The following INSYN2B variants were observed in gnomAD, a reference collection of about 807,000 sequenced individuals.
INSYN2B encodes protein INSYN2B.
INSYN2B carries 16 observed loss-of-function variants against 41.2 expected under a neutral mutation model. The observed-to-expected ratio is 0.39, with a 90% CI of 0.26 to 0.59. The LOEUF is 0.59. Ranked by LOEUF, INSYN2B falls within the 20% of genes least tolerant of loss-of-function variation. The pLI is 0.57. For synonymous variants in INSYN2B, 245 were observed against 244.4 expected, an observed-to-expected ratio of 1.00 and a Z score of -0.02; for missense variants, 608 against 646.4, an observed-to-expected ratio of 0.94 and a Z score of 0.64.
At chr5:169,965,217 A>C (rs1406951556) in intron 1 of INSYN2B, among the ~76,000 whole-genome samples, 1 of 152,212 alleles carries the variant, frequency 6.6e-6, no homozygotes, top group African/African-American at 2.4e-5. Context: ...AATGCTCCTT[A>C]AATTTCCATG....
At chr5:169,871,854 G>T (rs569937491) in intron 3 of INSYN2B, among the ~76,000 whole-genome samples, 3 of 152,188 alleles carry the variant, frequency 2.0e-5, no homozygotes, top group African/African-American at 7.2e-5. Context: ...CTCAATTTCA[G>T]GGCAGCCTTG....
At chr5:169,920,105 C>A (rs1197168361) in intron 1 of INSYN2B, among the ~76,000 whole-genome samples, 1 of 152,068 alleles carries the variant, frequency 6.6e-6, no homozygotes, top group Non-Finnish European at 1.5e-5. Flanking sequence ...TAAAGAAACA[C>A]CAAGAGATTG....
intron 1 of INSYN2B, among the ~76,000 whole-genome samples, chr5:169,902,978 G>A (rs531857289): frequency 7.9e-5 from 12 of 152,080 alleles, no homozygotes; most frequent in Admixed American, 2.0e-4. Flanking sequence ...CATGCCTGTA[G>A]TCCCAGCTAC....
intron 1 of INSYN2B, among the ~76,000 whole-genome samples, chr5:169,910,409 A>C (rs974746085): frequency 1.3e-5 from 2 of 152,206 alleles, no homozygotes; most frequent in African/African-American, 4.8e-5. Flanking sequence ...CTACCCCCTC[A>C]GTGCTGATTT....
chr5:169,889,839 G>A (rs995088685), intron 1 of INSYN2B, among the ~76,000 whole-genome samples: 6 of 152,188 alleles, frequency 3.9e-5, no homozygotes, highest in African/African-American at 7.2e-5. Context: ...GACAACCTCC[G>A]CTTTAGGCAC....
At chr5:169,955,222 G>A (rs1776814209) in intron 1 of INSYN2B, among the ~76,000 whole-genome samples, 2 of 152,204 alleles carry the variant, frequency 1.3e-5, no homozygotes, top group South Asian at 4.1e-4. Context: ...GGTCCTGCAG[G>A]AGAAGGGGAG....
intron 1 of INSYN2B, among the ~76,000 whole-genome samples, chr5:169,955,840 C>T (rs772892699): frequency 6.6e-6 from 1 of 152,180 alleles, no homozygotes; most frequent in Non-Finnish European, 1.5e-5. Context: ...CGATTCAGTT[C>T]CTTTTCATGT....
At chr5:169,870,454 G>A (rs569928226) in intron 3 of INSYN2B, among the ~76,000 whole-genome samples, 1 of 152,138 alleles carries the variant, frequency 6.6e-6, no homozygotes, top group Non-Finnish European at 1.5e-5. Context: ...TCTTGGCTGG[G>A]TAAACTGAAG....
chr5:169,903,530 G>A (rs1269875781), intron 1 of INSYN2B, among the ~76,000 whole-genome samples: 2 of 151,408 alleles, frequency 1.3e-5, no homozygotes, highest in South Asian at 2.1e-4. Flanking sequence ...AGCGGGGGCC[G>A]GGGGGCAGGG....
At chr5:169,874,801 G>T (rs1561785389) in intron 3 of INSYN2B, among the ~76,000 whole-genome samples, 1 of 152,268 alleles carries the variant, frequency 6.6e-6, no homozygotes, top group Middle Eastern at 3.4e-3. Context: ...GGAAGGAACG[G>T]TTACAGCTGA....
chr5:169,929,741 CAAAAA>C (rs1211612989), intron 1 of INSYN2B, among the ~76,000 whole-genome samples: 3 of 62,952 alleles, frequency 4.8e-5, no homozygotes, highest in Non-Finnish European at 6.7e-5. Flanking sequence ...GACCCTGTCT[CAAAAA>C]AAAAAAAAAA....
At chr5:169,914,274 C>A (rs1428744872) in intron 1 of INSYN2B, among the ~76,000 whole-genome samples, 1 of 152,184 alleles carries the variant, frequency 6.6e-6, no homozygotes, top group African/African-American at 2.4e-5. Context: ...CTCAATTCAC[C>A]TTACCCCATT....
intron 1 of INSYN2B, among the ~76,000 whole-genome samples, chr5:169,952,622 C>T (rs930565897): frequency 1.4e-4 from 21 of 152,116 alleles, no homozygotes; most frequent in African/African-American, 5.1e-4. Flanking sequence ...GCCACAGAAT[C>T]CCTGCTAAGA....
At chr5:169,880,581 A>G (rs1433769966) in intron 3 of INSYN2B, among the ~76,000 whole-genome samples, 2 of 152,230 alleles carry the variant, frequency 1.3e-5, no homozygotes, top group African/African-American at 4.8e-5. Context: ...CTAAGGGGGC[A>G]TTGATCTTTC....
intron 1 of INSYN2B, among the ~76,000 whole-genome samples, chr5:169,978,911 C>T (rs537331258): frequency 2.2e-4 from 34 of 152,242 alleles, no homozygotes; most frequent in African/African-American, 7.0e-4. Context: ...CCATCCCAAT[C>T]GGAGCGAGGT....
At chr5:169,941,277 G>A (rs1347024678) in intron 1 of INSYN2B, among the ~76,000 whole-genome samples, 3 of 152,162 alleles carry the variant, frequency 2.0e-5, no homozygotes, top group African/African-American at 2.4e-5. Flanking sequence ...GGATAATCTC[G>A]GCTCACTACA....
chr5:169,963,442 G>A (rs1331668437), intron 1 of INSYN2B, among the ~76,000 whole-genome samples: 3 of 152,150 alleles, frequency 2.0e-5, no homozygotes, highest in Admixed American at 2.0e-4. Context: ...GCTTAGCAGT[G>A]CATTCATGGT....
chr5:169,875,079 T>C, intron 3 of INSYN2B: 1 of 397,064 alleles, frequency 2.5e-6, no homozygotes, highest in Admixed American at 3.0e-5. Flanking sequence ...GAACTAAAGC[T>C]ACTCTCTGGG....
In INSYN2B at chr5:169,861,379, C is replaced by T. The variant is rs778767939; in HGVS notation, c.*2894G>A. ...CAGTTTAGAAATTTACAAAACCTTA[C>T]ATCAGTACATCGTCTTTAAGAAGGT... On this transcript the variant is annotated 3_prime_UTR_variant, in exon 4 of 4. Coordinates refer to ENST00000377365, the MANE Select transcript of INSYN2B (RefSeq NM_001129891.3). Among the ~76,000 whole-genome samples the T allele has an allele frequency of 6.6e-6, 1 of 152,186 alleles. No homozygotes were observed. The highest frequency in any genetic ancestry group is 2.4e-5 in the African/African-American group (1 of 41,448).
Sources: allele counts gnomAD v4.1 joint callset (sites outside exome capture counted in the v4.1 genomes callset), GRCh38; gene constraint gnomAD v4.1.1; transcripts MANE v1.5; gene names NCBI Gene and HGNC (gene_info 2026-07-23, HGNC 2026-07-21).